Variants in NKAIN3 observed in about 807,000 individuals in gnomAD.
NKAIN3 encodes sodium/potassium-transporting ATPase subunit beta-1-interacting protein 3.
A neutral mutation model predicts 30.2 loss-of-function variants in NKAIN3; 25 were observed. The observed-to-expected ratio is 0.83, with a 90% CI of 0.60 to 1.16. The LOEUF is 1.16. Among genes scored for constraint, NKAIN3 ranks in the 50% most tolerant of loss-of-function variants. NKAIN3 has a pLI of 0.00. For missense variants in NKAIN3, 225 were observed against 254.1 expected (o/e 0.89, Z 0.78); for synonymous variants, 91 against 89.6 (o/e 1.02, Z -0.09).
At chr8:62,453,053 T>G (rs1036511231) in intron 1 of NKAIN3, among the ~76,000 whole-genome samples, 2 of 152,214 alleles carry the variant, frequency 1.3e-5, no homozygotes, top group South Asian at 4.1e-4. Flanking sequence ...ACAAACTGAA[T>G]AAATATCACT....
At chr8:62,795,584 ATTTTGTC>A (rs931084062) in intron 4 of NKAIN3, among the ~76,000 whole-genome samples, 3 of 151,798 alleles carry the variant, frequency 2.0e-5, no homozygotes, top group Non-Finnish European at 2.9e-5. Flanking sequence ...CAATGTCTTC[ATTTTGTC>A]TTTTGTCTTT....
intron 5 of NKAIN3, among the ~76,000 whole-genome samples, chr8:62,942,225 CATATATAT>C (rs200450874): frequency 9.7e-5 from 5 of 51,708 alleles, no homozygotes; most frequent in African/African-American, 2.4e-4. Context: ...CATATATATA[CATATATAT>C]ACACATATAT....
intron 3 of NKAIN3, among the ~76,000 whole-genome samples, chr8:62,648,069 C>T (rs1812518445): frequency 6.6e-6 from 1 of 152,080 alleles, no homozygotes; most frequent in Non-Finnish European, 1.5e-5. Flanking sequence ...CTGATTTAGA[C>T]AGCTGGGTGC....
At chr8:62,783,523 ACCT>A (rs1402106377) in intron 4 of NKAIN3, among the ~76,000 whole-genome samples, 1 of 151,198 alleles carries the variant, frequency 6.6e-6, no homozygotes, top group Non-Finnish European at 1.5e-5. Context: ...GATATAAAAG[ACCT>A]CCACAACACT....
intron 1 of NKAIN3, among the ~76,000 whole-genome samples, chr8:62,491,733 G>A (rs1807072042): frequency 6.6e-6 from 1 of 152,100 alleles, no homozygotes; most frequent in Non-Finnish European, 1.5e-5. Flanking sequence ...GTAGCTGTAG[G>A]AAATAAAAGT....
intron 1 of NKAIN3, among the ~76,000 whole-genome samples, chr8:62,572,816 C>A (rs556284648): frequency 9.4e-4 from 143 of 152,220 alleles, no homozygotes; most frequent in African/African-American, 3.3e-3. Flanking sequence ...CCACTAGGTT[C>A]CTCCAACAAC....
At chr8:62,531,717 T>C (rs1414213704) in intron 1 of NKAIN3, among the ~76,000 whole-genome samples, 2 of 152,302 alleles carry the variant, frequency 1.3e-5, no homozygotes, top group East Asian at 3.9e-4. Flanking sequence ...CATAGTGTCA[T>C]TTAAGATGAA....
At chr8:62,650,353 CTT>C (rs1235224018) in intron 3 of NKAIN3, among the ~76,000 whole-genome samples, 1 of 152,152 alleles carries the variant, frequency 6.6e-6, no homozygotes, top group African/African-American at 2.4e-5. Context: ...TATAGTCACT[CTT>C]TGCTCCAATC....
chr8:62,911,823 A>C (rs1483790767), intron 4 of NKAIN3, among the ~76,000 whole-genome samples: 1 of 152,200 alleles, frequency 6.6e-6, no homozygotes, highest in East Asian at 1.9e-4. Context: ...CAAAAGGTGT[A>C]CACAGGATAA....
At chr8:62,930,028 G>A (rs1467379982) in intron 5 of NKAIN3, among the ~76,000 whole-genome samples, 1 of 152,050 alleles carries the variant, frequency 6.6e-6, no homozygotes, top group Non-Finnish European at 1.5e-5. Flanking sequence ...TCACTTTAGG[G>A]GAGAGCTTCT....
At chr8:62,289,421 A>G (rs1238007850) in intron 1 of NKAIN3, among the ~76,000 whole-genome samples, 1 of 152,166 alleles carries the variant, frequency 6.6e-6, no homozygotes, top group African/African-American at 2.4e-5. Context: ...ATTGTTGTAT[A>G]AGATATAAGG....
At chr8:62,597,616 C>G (rs1450655435) in intron 3 of NKAIN3, among the ~76,000 whole-genome samples, 1 of 151,876 alleles carries the variant, frequency 6.6e-6, no homozygotes, top group Non-Finnish European at 1.5e-5. Flanking sequence ...TGACCAATGG[C>G]AAAAACAAAA....
At chr8:62,856,631 A>G in intron 4 of NKAIN3, 1 of 774,822 alleles carries the variant, frequency 1.3e-6, no homozygotes, top group Non-Finnish European at 2.4e-6. Flanking sequence ...GGACATCACT[A>G]AAGAGGTTGG....
chr8:62,375,524 A>C (rs1451674652), intron 1 of NKAIN3, among the ~76,000 whole-genome samples: 1 of 152,176 alleles, frequency 6.6e-6, no homozygotes, highest in Non-Finnish European at 1.5e-5. Context: ...CACATTTTAT[A>C]TATTTAGCCG....
At chr8:62,772,576 G>T (rs184975587) in intron 4 of NKAIN3, among the ~76,000 whole-genome samples, 2 of 151,694 alleles carry the variant, frequency 1.3e-5, no homozygotes, top group African/African-American at 4.8e-5. Flanking sequence ...TTTCTCTGAC[G>T]TTCAGTGATG....
intron 1 of NKAIN3, among the ~76,000 whole-genome samples, chr8:62,414,440 CTTTG>C (rs1217218864): frequency 6.6e-6 from 1 of 152,090 alleles, no homozygotes; most frequent in Non-Finnish European, 1.5e-5. Flanking sequence ...TCTTTTGATG[CTTTG>C]TTTTAGTGTA....
At chr8:62,985,930 TTTTCCA>T (rs895336905), downstream of NKAIN3, among the ~76,000 whole-genome samples, 13 of 152,354 alleles carry the variant, frequency 8.5e-5, no homozygotes, top group Admixed American at 7.2e-4. Context: ...TCATACTTTT[TTTTCCA>T]TTTCCATTTA....
Position 62,627,665 on chromosome 8 carries a change from G to A in NKAIN3, c.273+37871G>A, listed in dbSNP as rs369365483. ...TAATTACAACTTACCTTTCACAACC[G>A]TTTTCAAGCTTAAAAATCTCCTTTT... On this transcript the variant is annotated intron_variant, in intron 3 of 6. Coordinates refer to ENST00000623646, the MANE Select transcript of NKAIN3 (RefSeq NM_001304533.3). Among the ~76,000 whole-genome samples the A allele has an allele frequency of 2.5e-4, 38 of 152,092 alleles. No homozygotes were observed. In the South Asian group the frequency reaches 2.7e-3, roughly 11 times the overall value.
At chr8:62,345,052 T>G (rs559282670) in intron 1 of NKAIN3, among the ~76,000 whole-genome samples, 17 of 152,096 alleles carry the variant, frequency 1.1e-4, no homozygotes, top group African/African-American at 4.1e-4. Context: ...TTGTTTTATT[T>G]TATTTTTTGG....
Sources: allele counts gnomAD v4.1 joint callset (sites outside exome capture counted in the v4.1 genomes callset), GRCh38; gene constraint gnomAD v4.1.1; transcripts MANE v1.5; gene names NCBI Gene and HGNC (gene_info 2026-07-23, HGNC 2026-07-21).